Variants in FOXP1 observed in about 807,000 individuals in gnomAD.
FOXP1 encodes forkhead box protein P1.
A neutral mutation model predicts 98.2 loss-of-function variants in FOXP1; 15 were observed. That is an observed-to-expected ratio of 0.15 (90% confidence interval 0.10 to 0.24). The LOEUF (loss-of-function observed/expected upper bound fraction) is 0.24. Among genes scored for constraint, FOXP1 ranks in the 10% least tolerant of loss-of-function variants. The pLI is 1.00. For synonymous variants in FOXP1, 371 were observed against 314.5 expected (o/e 1.18, Z -1.90); for missense variants, 633 against 848.5 (o/e 0.75, Z 3.15).
At chr3:71,163,318 C>T (rs2061235462) in intron 6 of FOXP1, among the ~76,000 whole-genome samples, 1 of 152,154 alleles carries the variant, frequency 6.6e-6, no homozygotes, top group Non-Finnish European at 1.5e-5. Context: ...TTTATGAGTT[C>T]ACTTCCTTCA....
At chr3:71,323,215 C>T (rs904257206) in intron 4 of FOXP1, among the ~76,000 whole-genome samples, 7 of 152,156 alleles carry the variant, frequency 4.6e-5, no homozygotes, top group Admixed American at 2.6e-4. Context: ...ATGATCCGCC[C>T]GCCTCGGCCT....
rs139664180 is a variant in FOXP1 at position 71,326,499 on chromosome 3, G to A, written c.-72-26619C>T. Among the ~76,000 whole-genome samples the A allele has an allele frequency of 2.4e-3, 360 of 152,278 alleles. 2 individuals carry two copies. The highest frequency in any genetic ancestry group is 8.1e-3 in the African/African-American group (335 of 41,546). ...TTCATGCTTATTCTGTGATGGCAGA[G>A]CTGATGGCATCCTGGCTCTCAGAAC... is the stretch of plus-strand genomic sequence containing the variant. On this transcript the variant is annotated intron_variant, in intron 4 of 20. Transcript: ENST00000649528.
chr3:71,085,735 C>CTTTTTTTTTTTT lies in FOXP1; in HGVS notation c.282+26789_282+26800dup, dbSNP rs56318177. The stretch of plus-strand genomic sequence containing the variant: ...TTGTATGGTGGGTATCATTTATGGC[C>CTTTTTTTTTTTT]TTTTTTTTTTTTTTACATGGAGTCT... On this transcript the variant is annotated intron_variant, in intron 7 of 20. Transcript: ENST00000649528. Among the ~76,000 whole-genome samples, 129 of 37,030 alleles carry CTTTTTTTTTTTT rather than the reference C, an allele frequency of 3.5e-3. 47 individuals carry two copies. The highest frequency in any genetic ancestry group is 0.011 in the African/African-American group (107 of 10,120). 24.3% of individuals were successfully genotyped at this position (37,030 alleles called of 152,430 possible). A position where few individuals can be genotyped will look rare whatever the true frequency, so the allele number is the denominator to read the frequency against.
At chr3:71,345,743 G>A (rs2077296271) in intron 4 of FOXP1, among the ~76,000 whole-genome samples, 1 of 151,846 alleles carries the variant, frequency 6.6e-6, no homozygotes, top group African/African-American at 2.4e-5. Context: ...AGAGCAGGCG[G>A]CATTCTTCAG....
At chr3:71,098,118 C>T (rs1559923668) in intron 7 of FOXP1, among the ~76,000 whole-genome samples, 1 of 152,166 alleles carries the variant, frequency 6.6e-6, no homozygotes, top group African/African-American at 2.4e-5. Context: ...TTCTGTTTTG[C>T]TTTCATTTGT....
intron 3 of FOXP1, among the ~76,000 whole-genome samples, chr3:71,360,300 C>G (rs2078467710): frequency 6.6e-6 from 1 of 152,190 alleles, no homozygotes; most frequent in African/African-American, 2.4e-5. Context: ...CATACAAGCT[C>G]TCTCCTGACA....
At chr3:71,254,521 AT>A (rs1398052007) in intron 5 of FOXP1, among the ~76,000 whole-genome samples, 3 of 152,246 alleles carry the variant, frequency 2.0e-5, no homozygotes, top group African/African-American at 7.2e-5. Flanking sequence ...ATTAATGTTC[AT>A]GATAATACAA....
chr3:71,132,754 G>A (rs1380544184), intron 6 of FOXP1, among the ~76,000 whole-genome samples: 2 of 152,108 alleles, frequency 1.3e-5, no homozygotes, highest in Non-Finnish European at 2.9e-5. Context: ...TTTAAAAGCT[G>A]TAATCAGTTT....
At chr3:71,306,960 A>G (rs1419011726) in intron 4 of FOXP1, among the ~76,000 whole-genome samples, 1 of 152,238 alleles carries the variant, frequency 6.6e-6, no homozygotes, top group Non-Finnish European at 1.5e-5. Flanking sequence ...TGCCAGTGTT[A>G]GGAATTCACT....
intron 3 of FOXP1, among the ~76,000 whole-genome samples, chr3:71,365,392 A>T (rs928971656): frequency 2.7e-5 from 4 of 150,882 alleles, no homozygotes; most frequent in African/African-American, 9.8e-5. Context: ...GCCCACATAG[A>T]CAGCTTACTA....
chr3:71,006,342 G>A (rs374614166), intron 12 of FOXP1, among the ~76,000 whole-genome samples: 2 of 151,984 alleles, frequency 1.3e-5, no homozygotes, highest in African/African-American at 4.8e-5. Flanking sequence ...TTAGTGTCTT[G>A]GAATGATCTC....
At chr3:71,033,138 G>A (rs2047097254) in intron 11 of FOXP1, among the ~76,000 whole-genome samples, 1 of 152,136 alleles carries the variant, frequency 6.6e-6, no homozygotes, top group African/African-American at 2.4e-5. Flanking sequence ...TGGGAGGAGG[G>A]GACACAGGCC....
chr3:71,488,592 C>A (rs2090835672), intron 3 of FOXP1, among the ~76,000 whole-genome samples: 1 of 152,246 alleles, frequency 6.6e-6, no homozygotes, highest in African/African-American at 2.4e-5. Context: ...ATGGTTTCCA[C>A]CTTGGCCCCT....
At position 71,476,127 on chromosome 3, in the gene FOXP1, T is replaced by C. The variant is rs140205058; in HGVS notation, c.-168+17299A>G. The stretch of plus-strand genomic sequence containing the variant: ...TGTTAAGTGACTCTTCAACTAGATA[T>C]GTCAGTAAATGGTCCACACAATGGA... On this transcript the variant is annotated intron_variant, in intron 3 of 20. Coordinates refer to ENST00000649528, the MANE Select transcript of FOXP1 (RefSeq NM_001349338.3). Among the ~76,000 whole-genome samples the C allele has an allele frequency of 3.4e-3, 517 of 152,322 alleles. 3 individuals carry two copies. The highest frequency in any genetic ancestry group is 0.012 in the African/African-American group (490 of 41,566).
intron 4 of FOXP1, among the ~76,000 whole-genome samples, chr3:71,341,687 A>G (rs1350518548): frequency 6.6e-6 from 1 of 152,230 alleles, no homozygotes; most frequent in African/African-American, 2.4e-5. Flanking sequence ...CAACAGAGTG[A>G]GACTCCGTCT....
chr3:71,351,710 G>A lies in FOXP1; in HGVS notation c.-73+7440C>T, dbSNP rs559911219. The stretch of plus-strand genomic sequence containing the variant: ...GCTTGCTGGGAAAATGCCCAGGTAC[G>A]GGACCAAAGCTTTGGGAGGGAGACC... On this transcript the variant is annotated intron_variant, in intron 4 of 20. Coordinates refer to ENST00000649528, the MANE Select transcript of FOXP1 (RefSeq NM_001349338.3). Among the ~76,000 whole-genome samples, 18 of 152,286 alleles carry A rather than the reference G, an allele frequency of 1.2e-4. No homozygotes were observed. In the South Asian group the frequency reaches 1.2e-3, roughly 11 times the overall value.
chr3:71,319,879 A>C (rs1319128231), intron 4 of FOXP1, among the ~76,000 whole-genome samples: 1 of 151,920 alleles, frequency 6.6e-6, no homozygotes, highest in Non-Finnish European at 1.5e-5. Context: ...CTACCACCAC[A>C]CGCCTAGCCA....
intron 11 of FOXP1, among the ~76,000 whole-genome samples, chr3:71,035,002 G>A (rs7631936): frequency 0.035 from 5,316 of 152,270 alleles, 327 homozygotes; most frequent in African/African-American, 0.12. Flanking sequence ...GAAAAGTCCT[G>A]TTCTTTCCAA....
intron 14 of FOXP1, among the ~76,000 whole-genome samples, chr3:70,985,434 G>A (rs745330877): frequency 6.6e-5 from 10 of 151,568 alleles, no homozygotes; most frequent in Admixed American, 1.3e-4. Context: ...AACATTACAC[G>A]TCTACCTTTT....
Sources: gnomAD v4.1 joint callset for allele counts (sites outside exome capture counted in the v4.1 genomes callset) on GRCh38, gnomAD v4.1.1 for gene constraint, MANE v1.5 for transcripts, NCBI Gene and HGNC (gene_info 2026-07-23, HGNC 2026-07-21) for gene names.